Variants in TUSC3 observed in about 807,000 individuals in gnomAD.
The protein encoded by TUSC3 is tumor suppressor candidate 3.
In TUSC3, 45 loss-of-function variants were observed where a neutral mutation model predicts 44.8. The observed-to-expected ratio is 1.00, with a 90% CI of 0.79 to 1.29. The LOEUF (loss-of-function observed/expected upper bound fraction) is 1.29, where lower values mean the gene tolerates loss of function less well. Ranked by LOEUF, TUSC3 falls within the 50% of genes most tolerant of loss-of-function variation. TUSC3 has a pLI of 0.00. For synonymous variants in TUSC3, 212 were observed against 152.9 expected, an observed-to-expected ratio of 1.39 and a Z score of -2.85; for missense variants, 519 against 437.9, an observed-to-expected ratio of 1.19 and a Z score of -1.65.
chr8:15,461,749 A>G (rs1800348751), intron 1 of TUSC3, among the ~76,000 whole-genome samples: 1 of 150,774 alleles, frequency 6.6e-6, no homozygotes, highest in Non-Finnish European at 1.5e-5. Context: ...ATAAAGGAAA[A>G]AAAAAGAAAA....
At chr8:15,428,546 C>T (rs189571028) in intron 1 of TUSC3, among the ~76,000 whole-genome samples, 2,551 of 152,282 alleles carry the variant, frequency 0.017, 41 homozygotes, top group South Asian at 0.068. Flanking sequence ...AATCGCCACA[C>T]CGACTTCCAC....
intron 1 of TUSC3, among the ~76,000 whole-genome samples, chr8:15,454,216 G>C (rs1442861457): frequency 6.6e-6 from 1 of 152,140 alleles, no homozygotes; most frequent in Non-Finnish European, 1.5e-5. Context: ...CCACACACTT[G>C]ATCTCTCAAG....
chr8:15,795,770 GGC>G, the TUSC3 span, among the ~76,000 whole-genome samples: 1 of 152,186 alleles, frequency 6.6e-6, no homozygotes, highest in African/African-American at 2.4e-5. Context: ...CTGCCCAAAC[GGC>G]TGGTAAGCCC....
chr8:15,445,171 ATGGG>A (rs1800077607), intron 1 of TUSC3, among the ~76,000 whole-genome samples: 1 of 152,188 alleles, frequency 6.6e-6, no homozygotes, highest in Non-Finnish European at 1.5e-5. Flanking sequence ...GTGGGTCTGG[ATGGG>A]ATCTCCTTGG....
In TUSC3 at chr8:15,555,834, C is replaced by A. The variant is rs191585968; in HGVS notation, c.138+15266C>A. 3.1e-3 allele frequency among the ~76,000 whole-genome samples: 465 copies of A among 151,308 alleles called. 7 individuals are homozygous for A. Among genetic ancestry groups the A allele is most frequent in the African/African-American group, 0.011 (451 of 41,426 alleles). On this transcript the variant is annotated intron_variant, in intron 1 of 10. Transcript: ENST00000503731. ...GTATTAACTTTAGGTAAATTTCTTA[C>A]GGACTCTTTCAGCTGTGGGTCATTT...
At chr8:15,588,534 T>G (rs1803689256) in intron 1 of TUSC3, among the ~76,000 whole-genome samples, 1 of 152,196 alleles carries the variant, frequency 6.6e-6, no homozygotes, top group African/African-American at 2.4e-5. Context: ...TTGTTTCCTT[T>G]GCTGTTCAGA....
chr8:15,610,427 G>A (rs1297038113), intron 1 of TUSC3, among the ~76,000 whole-genome samples: 1 of 152,148 alleles, frequency 6.6e-6, no homozygotes, highest in Non-Finnish European at 1.5e-5. Context: ...TAATGTTGAT[G>A]TGTTTCTGTG....
At chr8:15,748,074 G>C (rs1811499017) in intron 8 of TUSC3, among the ~76,000 whole-genome samples, 1 of 152,162 alleles carries the variant, frequency 6.6e-6, no homozygotes, top group South Asian at 2.1e-4. Flanking sequence ...GTTAGTACTT[G>C]TAAGAACTCT....
At chr8:15,744,306 GAGA>G (rs1397752483) in intron 8 of TUSC3, among the ~76,000 whole-genome samples, 1 of 152,118 alleles carries the variant, frequency 6.6e-6, no homozygotes, top group South Asian at 2.1e-4. Context: ...CTAGCAAAAA[GAGA>G]AGAACACACA....
At chr8:15,665,823 C>T (rs553299463) in intron 5 of TUSC3, among the ~76,000 whole-genome samples, 12 of 151,298 alleles carry the variant, frequency 7.9e-5, no homozygotes, top group Non-Finnish European at 1.6e-4. Context: ...TTCCTGGTCT[C>T]ATGCTTTCTA....
chr8:15,751,463 T>TA (rs1298461348), intron 9 of TUSC3, among the ~76,000 whole-genome samples: 1 of 152,138 alleles, frequency 6.6e-6, no homozygotes, highest in Non-Finnish European at 1.5e-5. Context: ...CTCCCACCTA[T>TA]ATATACTACC....
chr8:15,579,336 A>G (rs1394069356), intron 1 of TUSC3, among the ~76,000 whole-genome samples: 3 of 136,688 alleles, frequency 2.2e-5, no homozygotes, highest in African/African-American at 5.5e-5. Context: ...CTCTGATTTT[A>G]GTTATTTCTT....
At chr8:15,485,266 C>T (rs1022075561) in intron 2 of TUSC3, among the ~76,000 whole-genome samples, 1 of 152,192 alleles carries the variant, frequency 6.6e-6, no homozygotes, top group African/African-American at 2.4e-5. Context: ...TTATCAGCTA[C>T]TTCTTCTATA....
At chr8:15,694,425 A>T (rs1481639912) in intron 6 of TUSC3, among the ~76,000 whole-genome samples, 1 of 131,578 alleles carries the variant, frequency 7.6e-6, no homozygotes, top group East Asian at 2.2e-4. Flanking sequence ...AACAAGACGG[A>T]AACTCCATCC....
chr8:15,501,669 C>T (rs1800967818), intron 2 of TUSC3, among the ~76,000 whole-genome samples: 1 of 152,166 alleles, frequency 6.6e-6, no homozygotes, highest in Non-Finnish European at 1.5e-5. Context: ...TCAGAGGCTA[C>T]ATATTACTCT....
intron 1 of TUSC3, among the ~76,000 whole-genome samples, chr8:15,456,776 AAGG>A (rs1279254260): frequency 1.3e-5 from 2 of 152,090 alleles, no homozygotes; most frequent in Non-Finnish European, 2.9e-5. Flanking sequence ...TCAAACAGAG[AAGG>A]AGAAGAGGAG....
the TUSC3 span, among the ~76,000 whole-genome samples, chr8:15,819,812 G>A: frequency 2.4e-3 from 364 of 152,318 alleles, 2 homozygotes; most frequent in African/African-American, 8.5e-3. Context: ...ATTCTAGAAA[G>A]GCTGAAATTT....
At chr8:15,791,950 G>C in the TUSC3 span, among the ~76,000 whole-genome samples, 1 of 152,182 alleles carries the variant, frequency 6.6e-6, no homozygotes, top group Admixed American at 6.5e-5. Flanking sequence ...AAGAATTACT[G>C]AACTGTTTCT....
intron 1 of TUSC3, among the ~76,000 whole-genome samples, chr8:15,438,294 C>T (rs905880039): frequency 6.6e-6 from 1 of 152,096 alleles, no homozygotes; most frequent in Non-Finnish European, 1.5e-5. Flanking sequence ...CAGGGTTTCT[C>T]CATGTTGGTC....
Sources: gnomAD v4.1 joint callset for allele counts (sites outside exome capture counted in the v4.1 genomes callset) on GRCh38, gnomAD v4.1.1 for gene constraint, MANE v1.5 for transcripts, NCBI Gene and HGNC (gene_info 2026-07-23, HGNC 2026-07-21) for gene names.